GRID1: variants seen among roughly 807,000 people sequenced by gnomAD.
GRID1 encodes the protein glutamate receptor ionotropic, delta-1.
In GRID1, 28 loss-of-function variants were observed where a neutral mutation model predicts 98.0. The ratio of observed to expected loss-of-function variants is 0.29; its 90% CI spans 0.21 to 0.39. The LOEUF (loss-of-function observed/expected upper bound fraction) is 0.39, where lower values mean the gene tolerates loss of function less well. Ranked by LOEUF, GRID1 falls within the 10% of genes least tolerant of loss-of-function variation. The probability of loss-of-function intolerance (pLI) is 1.00; values close to 1 mark genes in which losing one functional copy is unlikely to be tolerated. For synonymous variants in GRID1, 553 were observed against 538.5 expected (o/e 1.03, Z -0.37); for missense variants, 1,111 against 1,340.5 (o/e 0.83, Z 2.67).
chr10:85,648,720 T>C (rs574770769), intron 12 of GRID1, among the ~76,000 whole-genome samples: 1 of 152,276 alleles, frequency 6.6e-6, no homozygotes, highest in East Asian at 1.9e-4. Flanking sequence ...CTCCCTCCTC[T>C]AACAACACCT....
intron 8 of GRID1, among the ~76,000 whole-genome samples, chr10:85,838,568 T>A (rs1842932834): frequency 6.6e-6 from 1 of 152,086 alleles, no homozygotes; most frequent in East Asian, 1.9e-4. Context: ...CTAAGCTTCA[T>A]TAGCAAAGGA....
At chr10:85,851,325 A>G (rs1322713426) in intron 8 of GRID1, among the ~76,000 whole-genome samples, 1 of 152,328 alleles carries the variant, frequency 6.6e-6, no homozygotes, top group East Asian at 1.9e-4. Flanking sequence ...TACAAAACAG[A>G]CAATTAATAT....
chr10:85,773,003 G>A (rs1427284678), intron 8 of GRID1, among the ~76,000 whole-genome samples: 9 of 152,034 alleles, frequency 5.9e-5, no homozygotes, highest in Non-Finnish European at 1.3e-4. Context: ...TACCAAAGCC[G>A]GGCAGAGACA....
chr10:85,675,174 G>A (rs952408619), intron 12 of GRID1, among the ~76,000 whole-genome samples: 3 of 152,196 alleles, frequency 2.0e-5, no homozygotes, highest in African/African-American at 7.2e-5. Context: ...CATACTCTTG[G>A]AGGGTCTAGA....
Position 86,303,533 on chromosome 10 carries a change from A to G in GRID1, c.235+60408T>C, listed in dbSNP as rs149153165. Among the ~76,000 whole-genome samples the G allele has an allele frequency of 1.9e-3, 288 of 152,294 alleles. 1 individual carries two copies. The highest frequency in any genetic ancestry group is 6.7e-3 in the African/African-American group (279 of 41,550). ...TGCCTCTCTCGAGCACTCACTATCT[A>G]AGAGGCATGACAGCTGCAGATATTT... On this transcript the variant is annotated intron_variant, in intron 2 of 15. Coordinates refer to ENST00000327946, the MANE Select transcript of GRID1 (RefSeq NM_017551.3).
chr10:85,912,402 C>T (rs1053401381), intron 5 of GRID1, among the ~76,000 whole-genome samples: 8 of 152,240 alleles, frequency 5.3e-5, no homozygotes, highest in African/African-American at 1.4e-4. Context: ...GCAATTATTT[C>T]GTCTCCAAAT....
chr10:85,855,838 T>C (rs534692986), intron 7 of GRID1, among the ~76,000 whole-genome samples, 191 bp downstream of exon 7: 102 of 152,310 alleles, frequency 6.7e-4, no homozygotes, highest in African/African-American at 2.4e-3. Flanking sequence ...ATAGTATGTA[T>C]TCATGGACCA....
chr10:86,146,907 ACTCT>A, intron 3 of GRID1, among the ~76,000 whole-genome samples: 1 of 151,954 alleles, frequency 6.6e-6, no homozygotes, highest in Middle Eastern at 3.4e-3. Flanking sequence ...CATGCAGGCG[ACTCT>A]CTGTGGAAGT....
chr10:85,952,279 A>G (rs1038448464), intron 4 of GRID1, among the ~76,000 whole-genome samples: 1 of 152,234 alleles, frequency 6.6e-6, no homozygotes, highest in Non-Finnish European at 1.5e-5. Flanking sequence ...CAGCATGAGG[A>G]AGCAAACTCC....
At position 85,712,397 on chromosome 10, in the gene GRID1, C is replaced by G. The variant is rs114642941; in HGVS notation, c.1997+10606G>C. ...ACACATGTGTACATATACACATATG[C>G]ACTCAACATTACAACACATAAATAT... On this transcript the variant is annotated intron_variant, in intron 12 of 15. Transcript: ENST00000327946. Among the ~76,000 whole-genome samples, 401 of 151,900 alleles carry G rather than the reference C, an allele frequency of 2.6e-3. 1 individual carries two copies. The highest frequency in any genetic ancestry group is 9.3e-3 in the African/African-American group (387 of 41,514).
chr10:85,662,020 T>C (rs1215476610), intron 12 of GRID1, among the ~76,000 whole-genome samples: 1 of 152,224 alleles, frequency 6.6e-6, no homozygotes, highest in African/African-American at 2.4e-5. Flanking sequence ...CCTTCTGCCA[T>C]GTTCACAGGG....
At chr10:85,722,930 C>A in intron 12 of GRID1, 73 bp downstream of exon 12, 6 of 1,372,356 alleles carry the variant, frequency 4.4e-6, no homozygotes, top group Non-Finnish European at 5.9e-6. Flanking sequence ...TACCACACTG[C>A]CCTGGAAAGG....
At chr10:85,978,300 T>C (rs972672905) in intron 4 of GRID1, among the ~76,000 whole-genome samples, 6 of 152,320 alleles carry the variant, frequency 3.9e-5, no homozygotes, top group Non-Finnish European at 5.9e-5. Flanking sequence ...AGCAGCCAGA[T>C]GATATGTTGC....
At chr10:86,148,860 C>T (rs1416032883) in intron 3 of GRID1, among the ~76,000 whole-genome samples, 1 of 152,198 alleles carries the variant, frequency 6.6e-6, no homozygotes, top group Non-Finnish European at 1.5e-5. Context: ...TAAGCACAAG[C>T]CTGGGTTCAC....
At chr10:86,354,102 A>G (rs1848501053) in intron 2 of GRID1, among the ~76,000 whole-genome samples, 1 of 152,234 alleles carries the variant, frequency 6.6e-6, no homozygotes, top group South Asian at 2.1e-4. Flanking sequence ...GACCCATGGC[A>G]GGACCTCAAG....
intron 8 of GRID1, among the ~76,000 whole-genome samples, chr10:85,773,541 T>C (rs919702069): frequency 1.3e-5 from 2 of 152,204 alleles, no homozygotes; most frequent in African/African-American, 4.8e-5. Flanking sequence ...ATTGTCCCTG[T>C]TTGCAGATGA....
intron 2 of GRID1, among the ~76,000 whole-genome samples, chr10:86,220,774 G>A (rs760939596): frequency 6.6e-5 from 10 of 152,150 alleles, no homozygotes; most frequent in African/African-American, 7.2e-5. Flanking sequence ...CCTCATCGCC[G>A]TCCTAACAGC....
chr10:86,002,191 C>T (rs538620755), intron 4 of GRID1, among the ~76,000 whole-genome samples: 4 of 152,212 alleles, frequency 2.6e-5, no homozygotes, highest in Non-Finnish European at 4.4e-5. Context: ...GGGGTTAAGT[C>T]TTCAACACAT....
At chr10:85,965,194 T>C (rs536600877) in intron 4 of GRID1, among the ~76,000 whole-genome samples, 47 of 152,316 alleles carry the variant, frequency 3.1e-4, no homozygotes, top group Non-Finnish European at 6.3e-4. Flanking sequence ...GGTGGGAGTG[T>C]AAATTAGTTC....
Sources: allele counts gnomAD v4.1 joint callset (sites outside exome capture counted in the v4.1 genomes callset), GRCh38; gene constraint gnomAD v4.1.1; transcripts MANE v1.5; gene names NCBI Gene and HGNC (gene_info 2026-07-23, HGNC 2026-07-21).